Variants in SPATA17 observed in about 807,000 individuals in gnomAD.
The protein encoded by SPATA17 is spermatogenesis associated 17.
In SPATA17, 53 loss-of-function variants were observed where a neutral mutation model predicts 62.2. The ratio of observed to expected loss-of-function variants is 0.85; its 90% CI spans 0.68 to 1.07. SPATA17 has a LOEUF of 1.07. Among genes scored for constraint, SPATA17 ranks in the 50% least tolerant of loss-of-function variants. The probability of loss-of-function intolerance (pLI) is 0.00; values close to 1 mark genes in which losing one functional copy is unlikely to be tolerated. For synonymous variants in SPATA17, 146 were observed against 146.8 expected (o/e 0.99, Z 0.04); for missense variants, 466 against 425.5 (o/e 1.10, Z -0.84).
At chr1:217,755,701 G>A (rs1229526510) in intron 6 of SPATA17, among the ~76,000 whole-genome samples, 1 of 151,530 alleles carries the variant, frequency 6.6e-6, no homozygotes, top group Non-Finnish European at 1.5e-5. Context: ...AAATAAATGT[G>A]AATCCCTTAA....
At chr1:217,651,053 G>A (rs2102883951) in intron 2 of SPATA17, 44 bp from the exon 3 acceptor site, 1 of 1,429,228 alleles carries the variant, frequency 7.0e-7, no homozygotes, top group Non-Finnish European at 9.7e-7. Context: ...AACTGACCTT[G>A]TTTCAATGAA....
At chr1:217,705,235 A>G (rs1199669212) in intron 5 of SPATA17, among the ~76,000 whole-genome samples, 1 of 150,792 alleles carries the variant, frequency 6.6e-6, no homozygotes, top group Non-Finnish European at 1.5e-5. Context: ...TCCTTTGCCC[A>G]CTTTTCATTG....
chr1:217,794,566 T>G (rs1674088561), intron 8 of SPATA17, among the ~76,000 whole-genome samples: 1 of 152,180 alleles, frequency 6.6e-6, no homozygotes, highest in Middle Eastern at 3.2e-3. Context: ...AAAAATTAGA[T>G]AAATTGAAAA....
At chr1:217,704,229 C>CAT (rs1671677329) in intron 5 of SPATA17, among the ~76,000 whole-genome samples, 2 of 53,246 alleles carry the variant, frequency 3.8e-5, no homozygotes, top group African/African-American at 9.6e-5. Context: ...CTTCCCTCTA[C>CAT]CTTTTTTTTT....
At chr1:217,743,214 C>T (rs1672666838) in intron 6 of SPATA17, among the ~76,000 whole-genome samples, 1 of 151,846 alleles carries the variant, frequency 6.6e-6, no homozygotes, top group Non-Finnish European at 1.5e-5. Flanking sequence ...GGTCTCTAGA[C>T]TTTAAATACT....
chr1:217,844,145 A>C (rs1675471171), intron 9 of SPATA17, among the ~76,000 whole-genome samples: 1 of 152,150 alleles, frequency 6.6e-6, no homozygotes, highest in Admixed American at 6.6e-5. Context: ...TCACAGCAAA[A>C]GCAATAGCCT....
chr1:217,643,852 C>T (rs1388872860), intron 1 of SPATA17, among the ~76,000 whole-genome samples: 1 of 151,926 alleles, frequency 6.6e-6, no homozygotes, highest in African/African-American at 2.4e-5. Flanking sequence ...CGTTAGCCTC[C>T]CAAGTAGCTG....
At chr1:217,794,867 T>C (rs1272141178) in intron 8 of SPATA17, among the ~76,000 whole-genome samples, 2 of 152,208 alleles carry the variant, frequency 1.3e-5, no homozygotes, top group Non-Finnish European at 2.9e-5. Context: ...TTTTTTAAGA[T>C]TGAATTTTGA....
intron 4 of SPATA17, among the ~76,000 whole-genome samples, chr1:217,671,337 A>G (rs1361711681): frequency 6.6e-6 from 1 of 152,162 alleles, no homozygotes; most frequent in Non-Finnish European, 1.5e-5. Context: ...CTGATCTACT[A>G]TTCAGTCATG....
chr1:217,699,618 T>C (rs974340843), intron 5 of SPATA17, among the ~76,000 whole-genome samples: 2 of 152,194 alleles, frequency 1.3e-5, no homozygotes. Flanking sequence ...TTTTGTCAAA[T>C]ATGTGGTTTG....
intron 3 of SPATA17, among the ~76,000 whole-genome samples, chr1:217,661,540 A>AT (rs1670569876): frequency 6.6e-6 from 1 of 152,138 alleles, no homozygotes; most frequent in African/African-American, 2.4e-5. Context: ...TAATAGAGCT[A>AT]TTCCAGTCTT....
At chr1:217,866,836 G>A (rs1253922680) in intron 10 of SPATA17, 186 bp from the exon 11 acceptor site, 3 of 147,430 alleles carry the variant, frequency 2.0e-5, no homozygotes, top group Non-Finnish European at 4.5e-5. Context: ...TGTTTCTGAA[G>A]TTCCTTTTTT....
chr1:217,659,224 A>ACACACACAC (rs1670511859), intron 3 of SPATA17, among the ~76,000 whole-genome samples: 1 of 151,548 alleles, frequency 6.6e-6, no homozygotes, highest in African/African-American at 2.4e-5. Flanking sequence ...ACACACACAC[A>ACACACACAC]AATAGAAGTA....
In SPATA17 at chr1:217,867,929, A is replaced by T. The variant is rs1277331868; in HGVS notation, c.*910A>T. ...CACAGAGGGACAGGAAATGTGATTT[A>T]TTGACCATAAAAGCTTTAATTTAAA... On this transcript the variant is annotated 3_prime_UTR_variant, in exon 11 of 11. Transcript: ENST00000366933. The T allele has an allele frequency of 1.3e-5, 2 of 152,172 alleles. No individual in the cohort carries two copies. Among genetic ancestry groups the T allele is most frequent in the African/African-American group, 4.8e-5 (2 of 41,440 alleles). 9.4% of individuals were successfully genotyped at this position (152,172 alleles called of 1,614,324 possible). A position where few individuals can be genotyped will look rare whatever the true frequency, so the allele number is the denominator to read the frequency against.
chr1:217,793,931 C>T (rs1211032313), intron 8 of SPATA17, among the ~76,000 whole-genome samples: 2 of 151,870 alleles, frequency 1.3e-5, no homozygotes, highest in South Asian at 2.1e-4. Context: ...CTGGCTATCA[C>T]GGTGAAACCC....
intron 9 of SPATA17, among the ~76,000 whole-genome samples, chr1:217,811,591 G>C (rs1674589405): frequency 6.6e-6 from 1 of 151,882 alleles, no homozygotes; most frequent in Non-Finnish European, 1.5e-5. Flanking sequence ...TGCTCAGGAG[G>C]CTGAGTCAGG....
At chr1:217,778,728 A>G (rs1571800115) in intron 7 of SPATA17, among the ~76,000 whole-genome samples, 1 of 152,224 alleles carries the variant, frequency 6.6e-6, no homozygotes, top group Non-Finnish European at 1.5e-5. Flanking sequence ...ACTATACAAT[A>G]TTCACAACAT....
At chr1:217,631,471 G>A (rs1351682624) in intron 1 of SPATA17, 25 bp downstream of exon 1, 2 of 1,612,784 alleles carry the variant, frequency 1.2e-6, no homozygotes, top group African/African-American at 2.7e-5. Flanking sequence ...GAAGGATCGC[G>A]TAAAGGGCGG....
intron 9 of SPATA17, among the ~76,000 whole-genome samples, chr1:217,842,355 A>G (rs1459466817): frequency 1.3e-5 from 2 of 151,976 alleles, no homozygotes; most frequent in East Asian, 3.9e-4. Context: ...CTCTTTTTCA[A>G]TTTTTGGAAG....
Sources: allele counts gnomAD v4.1 joint callset (sites outside exome capture counted in the v4.1 genomes callset), GRCh38; gene constraint gnomAD v4.1.1; transcripts MANE v1.5; gene names NCBI Gene and HGNC (gene_info 2026-07-23, HGNC 2026-07-21).